GALNT6: variants seen among roughly 807,000 people sequenced by gnomAD.
GALNT6 encodes the protein polypeptide N-acetylgalactosaminyltransferase 6, also known as GalNAc transferase 6.
GALNT6 carries 51 observed loss-of-function variants against 65.9 expected under a neutral mutation model. That is an observed-to-expected ratio of 0.77 (90% CI 0.62 to 0.98). The LOEUF is 0.98. GALNT6 is among the 50% of genes least tolerant of loss of function. The pLI is 0.00. For missense variants in GALNT6, 708 were observed against 803.3 expected, an observed-to-expected ratio of 0.88 and a Z score of 1.43; for synonymous variants, 323 against 315.1, an observed-to-expected ratio of 1.02 and a Z score of -0.26.
chr12:51,361,053 TC>T (rs1033670259), intron 6 of GALNT6, among the ~76,000 whole-genome samples: 2 of 152,214 alleles, frequency 1.3e-5, no homozygotes, highest in African/African-American at 4.8e-5. Flanking sequence ...TATGTAATTA[TC>T]CTCTAAAAGG....
At chr12:51,381,290 G>T (rs951089173) in intron 2 of GALNT6, among the ~76,000 whole-genome samples, 4 of 152,146 alleles carry the variant, frequency 2.6e-5, no homozygotes, top group Admixed American at 1.3e-4. Context: ...TAATAAAAAA[G>T]AATTTAACAG....
At position 51,365,289 on chromosome 12, in the gene GALNT6, G is replaced by A. The variant is rs577633133; in HGVS notation, c.814+141C>T. 182 of 682,984 alleles carry A rather than the reference G, an allele frequency of 2.7e-4. 1 individual carries two copies. The Middle Eastern group carries it at 3.1e-3, about 12-fold the overall frequency. 42.3% of individuals were successfully genotyped at this position (682,984 alleles called of 1,614,324 possible). Reference sequence around the variant, plus strand: ...TTGGGATTGGGGTGAGAAAGGGGTAGAGGCACCTGGAGTGGGTCCCAAGCC... The same window carrying A: ...TTGGGATTGGGGTGAGAAAGGGGTAAAGGCACCTGGAGTGGGTCCCAAGCC... On this transcript the variant is annotated intron_variant, in intron 5 of 11. Transcript: ENST00000356317.
intron 8 of GALNT6, 97 bp downstream of exon 8, chr12:51,359,035 T>A: frequency 1.1e-6 from 1 of 930,258 alleles, no homozygotes; most frequent in East Asian, 2.4e-5. Context: ...CGCCAGATGG[T>A]AGAGATGAGG....
rs1164475462 is a variant in GALNT6 at position 51,363,969 on chromosome 12, T to G, written c.1049+152A>C. On this transcript the variant is annotated intron_variant, in intron 6 of 11. Transcript: ENST00000356317. ...TCACTATGAGCCTTAGTATTCTTAG[T>G]ATTGTACCTGCTTCATAGGGAGTGA... The G allele has an allele frequency of 4.5e-6, 3 of 668,178 alleles. No homozygotes were observed. The East Asian group carries it at 7.7e-5, about 17-fold the overall frequency. 41.4% of individuals were successfully genotyped at this position (668,178 alleles called of 1,614,324 possible).
At chr12:51,376,236 G>A (rs559648140) in intron 4 of GALNT6, among the ~76,000 whole-genome samples, 3 of 152,188 alleles carry the variant, frequency 2.0e-5, no homozygotes, top group Non-Finnish European at 4.4e-5. Flanking sequence ...GAGCTAGGAA[G>A]GGTCAGAGCT....
chr12:51,379,626 G>T lies in GALNT6; in HGVS notation c.156C>A (p.His52Gln). The T allele has an allele frequency of 6.2e-7, 1 of 1,614,138 alleles. No homozygotes were observed. The highest frequency in any genetic ancestry group is 8.5e-7 in the Non-Finnish European group (1 of 1,179,962). ...WLKSLVSRKD[H>Q]VLDLMLEAMN... ...TGGCCTCCAGCATGAGGTCCAGGAC[G>T]TGATCCTTCCGGCTCACCAGGGACT... The change falls in exon 3 of 12, where the codon CAC (histidine) becomes CAA (glutamine). Residue 52 changes from histidine to glutamine, a missense_variant. His to Gln is a conservative substitution (Grantham distance 24). Transcript: ENST00000356317.
In GALNT6 at chr12:51,354,047, G is replaced by A. The variant is rs960974966; in HGVS notation, c.*332C>T. ...CAAAGTGCTAGGATTTCAGGCATGAGCCACTGTGCCCAGCCTGAAGTACTT... is the reference window on the plus strand; with the variant it reads ...CAAAGTGCTAGGATTTCAGGCATGAACCACTGTGCCCAGCCTGAAGTACTT... On this transcript the variant is annotated 3_prime_UTR_variant, in exon 12 of 12. Coordinates refer to ENST00000356317, the MANE Select transcript of GALNT6 (RefSeq NM_007210.4). 3 of 211,028 alleles carry A rather than the reference G, an allele frequency of 1.4e-5. No homozygotes were observed. The highest frequency in any genetic ancestry group is 2.8e-5 in the Non-Finnish European group (3 of 107,926). The allele number at this position is 211,028 out of a possible 1,614,324, so 13.1% of individuals were successfully genotyped here.
intron 4 of GALNT6, among the ~76,000 whole-genome samples, chr12:51,371,237 CCAT>C (rs1299320706): frequency 6.6e-6 from 1 of 151,996 alleles, no homozygotes; most frequent in African/African-American, 2.4e-5. Context: ...GTGCCCACCA[CCAT>C]GCCTGGCTAA....
chr12:51,371,813 G>C (rs1947302301), intron 4 of GALNT6, among the ~76,000 whole-genome samples: 1 of 152,158 alleles, frequency 6.6e-6, no homozygotes, highest in Non-Finnish European at 1.5e-5. Context: ...GCCTGGAGTG[G>C]AGGTCAGAGA....
intron 4 of GALNT6, among the ~76,000 whole-genome samples, chr12:51,368,122 C>T (rs1474494881): frequency 6.6e-6 from 1 of 151,040 alleles, no homozygotes; most frequent in African/African-American, 2.4e-5. Flanking sequence ...CCAGTGAGGC[C>T]ACGGACTTTT....
intron 2 of GALNT6, among the ~76,000 whole-genome samples, chr12:51,390,006 T>C (rs1213793726): frequency 6.6e-6 from 1 of 152,160 alleles, no homozygotes; most frequent in African/African-American, 2.4e-5. Context: ...TTCTCTGCCC[T>C]GGTGCCCCTG....
chr12:51,359,465 T>C, intron 7 of GALNT6, 133 bp from the exon 8 acceptor site: 2 of 605,678 alleles, frequency 3.3e-6, no homozygotes, highest in Non-Finnish European at 5.8e-6. Context: ...TCTCTCTCCC[T>C]GGGAAAAAGG....
intron 4 of GALNT6, among the ~76,000 whole-genome samples, chr12:51,370,801 T>G (rs955624241): frequency 6.6e-6 from 1 of 152,054 alleles, no homozygotes; most frequent in Non-Finnish European, 1.5e-5. Flanking sequence ...TCCTAGCACT[T>G]TGGGAGGCTG....
intron 8 of GALNT6, among the ~76,000 whole-genome samples, 174 bp downstream of exon 8, chr12:51,358,958 T>G (rs551432064): frequency 6.6e-6 from 1 of 152,170 alleles, no homozygotes. Flanking sequence ...CTCTAGCTTT[T>G]GAAACCTATG....
At chr12:51,376,708 G>C (rs1947467556) in intron 4 of GALNT6, among the ~76,000 whole-genome samples, 1 of 150,812 alleles carries the variant, frequency 6.6e-6, no homozygotes. Flanking sequence ...TGTCTCCTTT[G>C]TCATGGCATC....
At chr12:51,361,379 T>C (rs1431405162) in intron 6 of GALNT6, among the ~76,000 whole-genome samples, 1 of 152,228 alleles carries the variant, frequency 6.6e-6, no homozygotes, top group Non-Finnish European at 1.5e-5. Flanking sequence ...CAGGGACTAT[T>C]AAGCCACAGT....
At chr12:51,356,865 T>C (rs560328487) in intron 10 of GALNT6, among the ~76,000 whole-genome samples, 1 of 152,312 alleles carries the variant, frequency 6.6e-6, no homozygotes, top group African/African-American at 2.4e-5. Context: ...TTCACCTACA[T>C]ATGCCAGCGG....
chr12:51,367,450 G>T (rs4761898), intron 4 of GALNT6, among the ~76,000 whole-genome samples: 1 of 151,768 alleles, frequency 6.6e-6, no homozygotes, highest in African/African-American at 2.4e-5. Context: ...AAAAACAAAC[G>T]AAGAATAGCT....
At chr12:51,368,718 C>T (rs900813596) in intron 4 of GALNT6, among the ~76,000 whole-genome samples, 2 of 133,082 alleles carry the variant, frequency 1.5e-5, no homozygotes, top group Non-Finnish European at 3.3e-5. Flanking sequence ...CTTTTTCCTT[C>T]TTCAATCCTA....
Sources: gnomAD v4.1 joint callset for allele counts (sites outside exome capture counted in the v4.1 genomes callset) on GRCh38, gnomAD v4.1.1 for gene constraint, MANE v1.5 for transcripts, NCBI Gene and HGNC (gene_info 2026-07-23, HGNC 2026-07-21) for gene names.